ABCA12: variants seen among roughly 807,000 people sequenced by gnomAD.
The protein encoded by ABCA12 is glucosylceramide transporter ABCA12.
A neutral mutation model predicts 293.5 loss-of-function variants in ABCA12; 156 were observed. The ratio of observed to expected loss-of-function variants is 0.53; its 90% CI spans 0.47 to 0.61. The LOEUF (loss-of-function observed/expected upper bound fraction) is 0.61, where lower values mean the gene tolerates loss of function less well. Ranked by LOEUF, ABCA12 falls within the 20% of genes least tolerant of loss-of-function variation. ABCA12 has a pLI of 0.00. For synonymous variants in ABCA12, 1,063 were observed against 1,108.0 expected, an observed-to-expected ratio of 0.96 and a Z score of 0.81; for missense variants, 2,797 against 3,090.2, an observed-to-expected ratio of 0.91 and a Z score of 2.25.
intron 2 of ABCA12, among the ~76,000 whole-genome samples, chr2:215,077,098 G>A (rs905392291): frequency 6.6e-6 from 1 of 152,120 alleles, no homozygotes; most frequent in Non-Finnish European, 1.5e-5. Context: ...GGCCTCCAAG[G>A]TACCTTTAAT....
chr2:215,063,270 G>C (rs1701571794), intron 3 of ABCA12, among the ~76,000 whole-genome samples: 1 of 151,844 alleles, frequency 6.6e-6, no homozygotes, highest in South Asian at 2.1e-4. Flanking sequence ...TACATGCTAG[G>C]GAATTTAGTA....
intron 38 of ABCA12, among the ~76,000 whole-genome samples, chr2:214,967,740 G>A (rs1044583427): frequency 9.2e-5 from 14 of 152,008 alleles, no homozygotes; most frequent in African/African-American, 3.4e-4. Context: ...TATCACACAG[G>A]GATGCTGTGA....
chr2:215,100,280 C>G (rs1702330901), intron 2 of ABCA12, among the ~76,000 whole-genome samples: 1 of 152,198 alleles, frequency 6.6e-6, no homozygotes. Context: ...GTCTACCTAT[C>G]TTTAGCCAGT....
intron 19 of ABCA12, among the ~76,000 whole-genome samples, chr2:215,007,088 T>G (rs770433250): frequency 6.6e-6 from 1 of 152,124 alleles, no homozygotes; most frequent in Non-Finnish European, 1.5e-5. Context: ...TTGGTCAGGC[T>G]GGTCTTGAAC....
intron 41 of ABCA12, among the ~76,000 whole-genome samples, 198 bp from the exon 42 acceptor site, chr2:214,956,976 A>G (rs975590589): frequency 1.3e-5 from 2 of 152,230 alleles, no homozygotes. Flanking sequence ...GTCTCCTGCA[A>G]TATGAGGTTA....
intron 2 of ABCA12, among the ~76,000 whole-genome samples, chr2:215,110,581 A>C (rs984455247): frequency 1.3e-5 from 2 of 152,220 alleles, no homozygotes; most frequent in African/African-American, 4.8e-5. Flanking sequence ...TCTAGCACCA[A>C]CAGTTTAAAT....
intron 1 of ABCA12, among the ~76,000 whole-genome samples, chr2:215,122,828 T>C (rs1702836197): frequency 6.6e-6 from 1 of 152,210 alleles, no homozygotes; most frequent in African/African-American, 2.4e-5. Context: ...GTACATGTGC[T>C]TGTTGGTTAT....
intron 9 of ABCA12, 149 bp from the exon 10 acceptor site, chr2:215,027,087 G>C: frequency 1.6e-6 from 1 of 616,576 alleles, no homozygotes; most frequent in Non-Finnish European, 3.0e-6. Context: ...GCTCACGCCT[G>C]TAATCCTAGC....
intron 19 of ABCA12, among the ~76,000 whole-genome samples, chr2:215,005,579 T>C (rs932700201): frequency 9.9e-5 from 15 of 152,242 alleles, no homozygotes; most frequent in African/African-American, 3.4e-4. Context: ...GATCGGTTTA[T>C]CAGGAATTAG....
intron 2 of ABCA12, chr2:215,082,607 C>G (rs1880131): frequency 0.98 from 149,420 of 152,330 alleles, 73,328 homozygotes; most frequent in East Asian, 1. Flanking sequence ...GCCTGATGGT[C>G]TTAAGCCTGG....
chr2:215,096,869 C>T (rs369359152), intron 2 of ABCA12, among the ~76,000 whole-genome samples: 45 of 152,048 alleles, frequency 3.0e-4, no homozygotes, highest in East Asian at 7.7e-4. Flanking sequence ...TTTATGACTC[C>T]GGGTCTCTTG....
At chr2:214,991,318 C>T (rs1473869408) in intron 23 of ABCA12, among the ~76,000 whole-genome samples, 1 of 152,166 alleles carries the variant, frequency 6.6e-6, no homozygotes, top group Non-Finnish European at 1.5e-5. Context: ...CAGCTGACAT[C>T]TCTAGATTAA....
chr2:215,051,095 T>G (rs1701311667), intron 5 of ABCA12, among the ~76,000 whole-genome samples: 1 of 152,176 alleles, frequency 6.6e-6, no homozygotes, highest in African/African-American at 2.4e-5. Context: ...AGCATTGCTC[T>G]TCTAGATATT....
At position 214,963,657 on chromosome 2, in the gene ABCA12, T is replaced by C. The variant is rs1022520810; in HGVS notation, c.5884+3191A>G. Among the ~76,000 whole-genome samples the C allele has an allele frequency of 1.1e-4, 16 of 144,528 alleles. No homozygotes were observed. The Admixed American group carries it at 1.1e-3, about 10-fold the overall frequency. The allele number at this position is 144,528 out of a possible 152,430, so 94.8% of individuals were successfully genotyped here. On this transcript the variant is annotated intron_variant, in intron 39 of 52. Transcript: ENST00000272895. ...GGCTGTGGATGATGGCTCATGCCTGTAATCCCAGCACTTTGGGAGCCCAAG... is the reference window on the plus strand; with the variant it reads ...GGCTGTGGATGATGGCTCATGCCTGCAATCCCAGCACTTTGGGAGCCCAAG...
chr2:215,120,320 T>C (rs1575057196), intron 1 of ABCA12, among the ~76,000 whole-genome samples: 1 of 152,096 alleles, frequency 6.6e-6, no homozygotes, highest in East Asian at 1.9e-4. Flanking sequence ...ACCTATTTGG[T>C]ACTATGCTCA....
chr2:215,001,390 T>C (rs2105989537), intron 21 of ABCA12, among the ~76,000 whole-genome samples, 168 bp downstream of exon 21: 1 of 152,318 alleles, frequency 6.6e-6, no homozygotes, highest in South Asian at 2.1e-4. Flanking sequence ...TAGACATACT[T>C]AGAGATTATA....
intron 1 of ABCA12, among the ~76,000 whole-genome samples, chr2:215,137,887 C>G (rs907526912): frequency 6.7e-6 from 1 of 148,512 alleles, no homozygotes; most frequent in Non-Finnish European, 1.5e-5. Flanking sequence ...GAGTCATGTT[C>G]TTTTTTTTTT....
At chr2:215,022,231 G>A (rs1366384719) in intron 11 of ABCA12, 2 of 152,194 alleles carry the variant, frequency 1.3e-5, no homozygotes, top group Non-Finnish European at 2.9e-5. Context: ...TAAGTTTGGT[G>A]TACATATGTG....
At chr2:214,939,073 G>C (rs886994941) in intron 50 of ABCA12, among the ~76,000 whole-genome samples, 4 of 152,108 alleles carry the variant, frequency 2.6e-5, no homozygotes, top group African/African-American at 9.7e-5. Flanking sequence ...TTTTCTTCTA[G>C]GGTTTTTATG....
Sources: allele counts gnomAD v4.1 joint callset (sites outside exome capture counted in the v4.1 genomes callset), GRCh38; gene constraint gnomAD v4.1.1; transcripts MANE v1.5; gene names NCBI Gene and HGNC (gene_info 2026-07-23, HGNC 2026-07-21).